LUZP2: variants seen among roughly 807,000 people sequenced by gnomAD.
The protein encoded by LUZP2 is leucine zipper protein 2.
In LUZP2, 52 loss-of-function variants were observed where a neutral mutation model predicts 51.6. That is an observed-to-expected ratio of 1.01 (90% CI 0.81 to 1.27). The LOEUF (loss-of-function observed/expected upper bound fraction) is 1.27. Among genes scored for constraint, LUZP2 ranks in the 50% most tolerant of loss-of-function variants. LUZP2 has a pLI of 0.00. For synonymous variants in LUZP2, 154 were observed against 137.3 expected, an observed-to-expected ratio of 1.12 and a Z score of -0.85; for missense variants, 436 against 395.4, an observed-to-expected ratio of 1.10 and a Z score of -0.87.
chr11:24,752,078 A>G (rs938714557), intron 4 of LUZP2, among the ~76,000 whole-genome samples: 2 of 152,206 alleles, frequency 1.3e-5, no homozygotes, highest in Non-Finnish European at 2.9e-5. Flanking sequence ...GATAGAAAAT[A>G]TAAAATATGC....
chr11:24,870,488 C>G (rs201678181), intron 5 of LUZP2, among the ~76,000 whole-genome samples: 12 of 13,338 alleles, frequency 9.0e-4, no homozygotes, highest in East Asian at 2.7e-3. Context: ...CACACACACA[C>G]AGACACACAC....
At chr11:25,041,357 T>C (rs914783797) in intron 9 of LUZP2, among the ~76,000 whole-genome samples, 1 of 152,180 alleles carries the variant, frequency 6.6e-6, no homozygotes, top group Admixed American at 6.5e-5. Context: ...ATGTGGTCTT[T>C]CTCTTTCTTA....
chr11:24,790,471 C>A (rs1231237793), intron 5 of LUZP2, among the ~76,000 whole-genome samples: 1 of 151,604 alleles, frequency 6.6e-6, no homozygotes, highest in Non-Finnish European at 1.5e-5. Context: ...TCTCACTGAT[C>A]ATTCTTCTTT....
chr11:24,888,190 C>T (rs1015933546), intron 5 of LUZP2, among the ~76,000 whole-genome samples: 1 of 152,078 alleles, frequency 6.6e-6, no homozygotes, highest in Admixed American at 6.6e-5. Flanking sequence ...GTCACAAGAA[C>T]TGTATTCCTG....
chr11:24,685,093 G>A (rs1179029664), intron 1 of LUZP2, among the ~76,000 whole-genome samples: 1 of 151,748 alleles, frequency 6.6e-6, no homozygotes, highest in African/African-American at 2.4e-5. Context: ...CTCTATGGGA[G>A]AGAGTTGTCT....
At chr11:24,986,323 T>G (rs1856185858) in intron 9 of LUZP2, among the ~76,000 whole-genome samples, 1 of 151,668 alleles carries the variant, frequency 6.6e-6, no homozygotes, top group Non-Finnish European at 1.5e-5. Flanking sequence ...AGCTACTATA[T>G]AGTGCCATAA....
intron 1 of LUZP2, among the ~76,000 whole-genome samples, chr11:24,658,381 G>A (rs1238837788): frequency 6.6e-6 from 1 of 152,154 alleles, no homozygotes; most frequent in African/African-American, 2.4e-5. Context: ...TATGGAGAAA[G>A]CTGAAACTGG....
chr11:24,624,537 C>T (rs1180036139), intron 1 of LUZP2, among the ~76,000 whole-genome samples: 2 of 151,736 alleles, frequency 1.3e-5, no homozygotes, highest in African/African-American at 4.8e-5. Context: ...TAATTATTTC[C>T]CTGCAATCAT....
chr11:24,872,979 A>G (rs1045852596), intron 5 of LUZP2, among the ~76,000 whole-genome samples: 1 of 152,192 alleles, frequency 6.6e-6, no homozygotes, highest in Non-Finnish European at 1.5e-5. Context: ...AAAATTGAAA[A>G]TGCCTTGATT....
chr11:25,004,523 G>A (rs1288112509), intron 9 of LUZP2, among the ~76,000 whole-genome samples: 2 of 152,104 alleles, frequency 1.3e-5, no homozygotes, highest in African/African-American at 4.8e-5. Flanking sequence ...TGCTTTTGGA[G>A]CTTTCTGCTG....
At chr11:24,751,268 G>A (rs557328558) in intron 4 of LUZP2, among the ~76,000 whole-genome samples, 33 of 152,240 alleles carry the variant, frequency 2.2e-4, no homozygotes, top group African/African-American at 7.9e-4. Context: ...AATAATGAGT[G>A]ATTCCTGGAA....
chr11:24,682,068 G>GTA (rs1406901624), intron 1 of LUZP2, among the ~76,000 whole-genome samples: 1 of 152,138 alleles, frequency 6.6e-6, no homozygotes, highest in Non-Finnish European at 1.5e-5. Flanking sequence ...ATAAGCAAAG[G>GTA]TGTCTATCTC....
intron 5 of LUZP2, among the ~76,000 whole-genome samples, chr11:24,830,530 C>T (rs974441293): frequency 2.6e-5 from 4 of 152,100 alleles, no homozygotes; most frequent in African/African-American, 7.2e-5. Flanking sequence ...TAATGAATGG[C>T]AATAGCTAAT....
rs1849856098 is a variant in LUZP2 at position 24,497,302 on chromosome 11, C to G, written c.59C>G (p.Thr20Ser). 1.3e-6 allele frequency: 2 copies of G among 1,558,660 alleles called. No homozygotes were observed. The highest frequency in any genetic ancestry group is 2.5e-5 in the East Asian group (1 of 39,430). ...CTCCTGCCTGCGCTGGTCCTCAGCACCAGGTGAGTCCAGGAGCGTGAGTGA... is the reference window on the plus strand; with the variant it reads ...CTCCTGCCTGCGCTGGTCCTCAGCAGCAGGTGAGTCCAGGAGCGTGAGTGA... Reference protein sequence around the residue: ...LPLLPALVLSTRQDYEELEKQ... With the variant: ...LPLLPALVLSSRQDYEELEKQ... The change falls in exon 1 of 12, where the codon ACC becomes AGC. Residue 20 changes from threonine (T) to serine (S), a missense_variant. Physicochemically the swap from Thr to Ser is moderately conservative, Grantham distance 58. Transcript: ENST00000336930.
intron 7 of LUZP2, among the ~76,000 whole-genome samples, chr11:24,918,948 A>G (rs1853908065): frequency 6.9e-6 from 1 of 145,766 alleles, no homozygotes; most frequent in Non-Finnish European, 1.5e-5. Flanking sequence ...TATACTATAT[A>G]TCCATAATAT....
intron 5 of LUZP2, among the ~76,000 whole-genome samples, chr11:24,835,793 T>C (rs1850845232): frequency 6.6e-6 from 1 of 152,052 alleles, no homozygotes; most frequent in Non-Finnish European, 1.5e-5. Context: ...TTCCTTAATA[T>C]AGAACATAAA....
In LUZP2 at chr11:24,774,332, TTCTC is replaced by T. The variant is rs374302170; in HGVS notation, c.396+11052_396+11055del. On this transcript the variant is annotated intron_variant, in intron 5 of 11. Transcript: ENST00000336930. Reference sequence around the variant, plus strand: ...GTTAATGAGTTAATACTTAGTAAACTTCTCTCTCTCTCTCTCTCTCTCTCTCTCT... The same window carrying T: ...GTTAATGAGTTAATACTTAGTAAACTTCTCTCTCTCTCTCTCTCTCTCTCT... Among the ~76,000 whole-genome samples, 24 of 41,916 alleles carry T rather than the reference TTCTC, an allele frequency of 5.7e-4. 1 individual carries two copies. The highest frequency in any genetic ancestry group is 1.9e-3 in the African/African-American group (20 of 10,720). The allele number at this position is 41,916 out of a possible 152,430, so 27.5% of individuals were successfully genotyped here. A position where few individuals can be genotyped will look rare whatever the true frequency, so the allele number is the denominator to read the frequency against.
At chr11:24,574,916 C>T (rs1354079630) in intron 1 of LUZP2, among the ~76,000 whole-genome samples, 1 of 152,058 alleles carries the variant, frequency 6.6e-6, no homozygotes, top group Non-Finnish European at 1.5e-5. Context: ...AAGTAATCCT[C>T]TTAAGGGGAG....
intron 9 of LUZP2, among the ~76,000 whole-genome samples, chr11:24,991,153 T>C (rs1856321914): frequency 6.6e-6 from 1 of 151,820 alleles, no homozygotes; most frequent in South Asian, 2.1e-4. Flanking sequence ...CCAAAGTCCT[T>C]TGTATCATTC....
Sources: gnomAD v4.1 joint callset for allele counts (sites outside exome capture counted in the v4.1 genomes callset) on GRCh38, gnomAD v4.1.1 for gene constraint, MANE v1.5 for transcripts, NCBI Gene and HGNC (gene_info 2026-07-23, HGNC 2026-07-21) for gene names.